The following SPATA13 variants were observed in gnomAD, a reference collection of about 807,000 sequenced individuals.
SPATA13 encodes the protein spermatogenesis associated 13.
SPATA13 carries 50 observed loss-of-function variants against 104.0 expected under a neutral mutation model. The observed-to-expected ratio is 0.48, with a 90% CI of 0.38 to 0.61. The LOEUF (loss-of-function observed/expected upper bound fraction) is 0.61, where lower values mean the gene tolerates loss of function less well. Among genes scored for constraint, SPATA13 ranks in the 20% least tolerant of loss-of-function variants. SPATA13 has a pLI of 0.00. For missense variants in SPATA13, 1,524 were observed against 1,690.6 expected (o/e 0.90, Z 1.73); for synonymous variants, 606 against 667.5 (o/e 0.91, Z 1.42).
rs1460383042 is a variant in SPATA13 at position 24,152,362 on chromosome 13, G to T, written c.-111-70457G>T. On this transcript the variant is annotated intron_variant, in intron 3 of 14. Transcript: ENST00000424834. ...AGGCACAGCCCCAAACAAGGCACAG[G>T]CCAGGTGCCATGGGACTCAGTGGTT... Among the ~76,000 whole-genome samples, 3 of 152,192 alleles carry T rather than the reference G, an allele frequency of 2.0e-5. No individual in the cohort carries two copies. The East Asian group carries it at 5.8e-4, about 29-fold the overall frequency.
At chr13:24,071,289 TTGTC>T (rs1879154401) in intron 3 of SPATA13, among the ~76,000 whole-genome samples, 1 of 152,174 alleles carries the variant, frequency 6.6e-6, no homozygotes. Context: ...AAGCCAGACA[TTGTC>T]TGAAGTGATC....
chr13:24,179,644 A>T (rs931273043), intron 1 of SPATA13, among the ~76,000 whole-genome samples: 7 of 152,046 alleles, frequency 4.6e-5, no homozygotes, highest in African/African-American at 1.7e-4. Flanking sequence ...CCTCTATTTT[A>T]CTTTCTGTTT....
intron 3 of SPATA13, among the ~76,000 whole-genome samples, chr13:24,078,844 A>G (rs766126851): frequency 1.3e-5 from 2 of 152,084 alleles, no homozygotes; most frequent in Non-Finnish European, 2.9e-5. Context: ...CATTCAGTCA[A>G]TGACTAAATA....
chr13:24,115,755 A>G (rs1210894577), intron 3 of SPATA13, among the ~76,000 whole-genome samples: 1 of 152,200 alleles, frequency 6.6e-6, no homozygotes, highest in Non-Finnish European at 1.5e-5. Flanking sequence ...GGTTGTGATC[A>G]AGGTATCAGC....
intron 3 of SPATA13, among the ~76,000 whole-genome samples, chr13:24,048,493 T>G (rs1311816331): frequency 3.9e-5 from 6 of 152,096 alleles, no homozygotes; most frequent in African/African-American, 1.4e-4. Context: ...GATCTTACAT[T>G]CATAATTTCG....
At chr13:24,296,370 C>T (rs1876780451) in intron 10 of SPATA13, among the ~76,000 whole-genome samples, 1 of 152,180 alleles carries the variant, frequency 6.6e-6, no homozygotes, top group Non-Finnish European at 1.5e-5. Context: ...TCTTATTTAA[C>T]AAAGGCCATT....
chr13:23,993,920 G>A (rs910349602), intron 2 of SPATA13, among the ~76,000 whole-genome samples: 1 of 151,908 alleles, frequency 6.6e-6, no homozygotes, highest in Non-Finnish European at 1.5e-5. Context: ...GCCAGCTGGG[G>A]TGAGCGATGA....
chr13:24,287,008 C>T, intron 7 of SPATA13, 58 bp downstream of exon 7: 1 of 1,506,202 alleles, frequency 6.6e-7, no homozygotes, highest in Non-Finnish European at 9.1e-7. Flanking sequence ...CATGAGGTGC[C>T]TGGGCTTTCT....
intron 3 of SPATA13, among the ~76,000 whole-genome samples, chr13:24,040,934 G>T (rs1376334321): frequency 6.6e-6 from 1 of 152,218 alleles, no homozygotes; most frequent in Admixed American, 6.5e-5. Flanking sequence ...CCACTGGGAA[G>T]CCCCTGGGGG....
intron 1 of SPATA13, among the ~76,000 whole-genome samples, chr13:24,219,003 CAAAAA>C (rs35494448): frequency 2.7e-5 from 3 of 110,526 alleles, no homozygotes; most frequent in Non-Finnish European, 3.8e-5. Flanking sequence ...TCATTATCAC[CAAAAA>C]AAAAAAAAAA....
At chr13:23,992,186 C>CG (rs1185063621) in intron 2 of SPATA13, among the ~76,000 whole-genome samples, 4 of 152,154 alleles carry the variant, frequency 2.6e-5, no homozygotes, top group African/African-American at 4.8e-5. Flanking sequence ...TGCAGTCCAA[C>CG]CATGTGCTGT....
intron 1 of SPATA13, among the ~76,000 whole-genome samples, chr13:24,186,133 A>G (rs1307124380): frequency 6.6e-6 from 1 of 152,198 alleles, no homozygotes; most frequent in Non-Finnish European, 1.5e-5. Context: ...ACTGGGCATC[A>G]CAGTCCTAGC....
chr13:24,204,505 A>G (rs1236831217), intron 1 of SPATA13, among the ~76,000 whole-genome samples: 1 of 152,140 alleles, frequency 6.6e-6, no homozygotes, highest in African/African-American at 2.4e-5. Flanking sequence ...TAAGTTCATG[A>G]TATTAATATG....
chr13:24,236,882 G>A (rs768574999), intron 2 of SPATA13, among the ~76,000 whole-genome samples: 1 of 152,104 alleles, frequency 6.6e-6, no homozygotes, highest in Non-Finnish European at 1.5e-5. Flanking sequence ...CAGCAATTCC[G>A]TTTCTGGGTA....
chr13:24,145,535 G>A (rs1255303754), intron 3 of SPATA13, among the ~76,000 whole-genome samples: 1 of 152,198 alleles, frequency 6.6e-6, no homozygotes, highest in Non-Finnish European at 1.5e-5. Context: ...AGTACTCCAG[G>A]CCTCAGTAAG....
chr13:24,240,211 G>C (rs1184364401), intron 2 of SPATA13, among the ~76,000 whole-genome samples: 2 of 151,746 alleles, frequency 1.3e-5, no homozygotes, highest in African/African-American at 4.8e-5. Flanking sequence ...AATGAGCCGT[G>C]ATTGCACCAC....
intron 3 of SPATA13, among the ~76,000 whole-genome samples, chr13:24,104,222 A>G (rs1880360918): frequency 1.3e-5 from 2 of 151,690 alleles, no homozygotes; most frequent in Non-Finnish European, 2.9e-5. Flanking sequence ...TTGTTGAACA[A>G]TGTAAAGCTA....
intron 3 of SPATA13, among the ~76,000 whole-genome samples, chr13:24,129,336 A>G (rs1176678929): frequency 1.3e-5 from 2 of 152,242 alleles, no homozygotes; most frequent in African/African-American, 4.8e-5. Flanking sequence ...TTCAATTCCC[A>G]TGCTCAATTA....
chr13:24,111,916 G>C (rs565884907), intron 3 of SPATA13, among the ~76,000 whole-genome samples: 29 of 152,296 alleles, frequency 1.9e-4, no homozygotes, highest in African/African-American at 7.0e-4. Flanking sequence ...TTTGATGTTG[G>C]TATTGAGGTT....
Sources: allele counts gnomAD v4.1 joint callset (sites outside exome capture counted in the v4.1 genomes callset), GRCh38; gene constraint gnomAD v4.1.1; transcripts MANE v1.5; gene names NCBI Gene and HGNC (gene_info 2026-07-23, HGNC 2026-07-21).